Variants in ITCH observed in about 807,000 individuals in gnomAD.
The protein encoded by ITCH is itchy E3 ubiquitin protein ligase, also known as E3 ubiquitin-protein ligase Itchy homolog.
In ITCH, 28 loss-of-function variants were observed where a neutral mutation model predicts 126.8. The observed-to-expected ratio is 0.22, with a 90% CI of 0.16 to 0.30. The LOEUF (loss-of-function observed/expected upper bound fraction) is 0.30, where lower values mean the gene tolerates loss of function less well. Ranked by LOEUF, ITCH falls within the 10% of genes least tolerant of loss-of-function variation. The probability of loss-of-function intolerance (pLI) is 1.00; values close to 1 mark genes in which losing one functional copy is unlikely to be tolerated. For synonymous variants in ITCH, 342 were observed against 340.0 expected (o/e 1.01, Z -0.06); for missense variants, 631 against 1,032.4 (o/e 0.61, Z 5.33).
At chr20:34,446,659 T>C (rs971394555) in intron 11 of ITCH, among the ~76,000 whole-genome samples, 3 of 152,340 alleles carry the variant, frequency 2.0e-5, no homozygotes, top group East Asian at 3.9e-4. Flanking sequence ...GTTTTACATC[T>C]TCCTTCCTTT....
chr20:34,366,860 T>G (rs2037440579), intron 1 of ITCH, among the ~76,000 whole-genome samples: 3 of 152,088 alleles, frequency 2.0e-5, no homozygotes, highest in Admixed American at 2.0e-4. Flanking sequence ...AGCGAAAGGA[T>G]GAGGGACTAG....
Position 34,492,614 on chromosome 20 carries a change from A to G in ITCH, c.2416+17A>G, listed in dbSNP as rs1284179897. 2 of 1,505,658 alleles carry G rather than the reference A, an allele frequency of 1.3e-6. No homozygotes were observed. Among genetic ancestry groups the G allele is most frequent in the South Asian group, 1.1e-5 (1 of 88,906 alleles). 93.3% of individuals were successfully genotyped at this position (1,505,658 alleles called of 1,614,324 possible). A position where few individuals can be genotyped will look rare whatever the true frequency, so the allele number is the denominator to read the frequency against. The stretch of plus-strand genomic sequence containing the variant: ...ATCTCATGGGTATGTATACAGGATC[A>G]CTTTTCCTATACAGAAAATTGTTTA... On this transcript the variant is annotated intron_variant, in intron 23 of 24. Transcript: ENST00000374864.
intron 7 of ITCH, among the ~76,000 whole-genome samples, chr20:34,425,940 C>T (rs1428506851): frequency 2.6e-5 from 4 of 152,226 alleles, no homozygotes; most frequent in Non-Finnish European, 4.4e-5. Context: ...CTCAGTCTCT[C>T]GTCTCCACCT....
intron 15 of ITCH, 106 bp downstream of exon 15, chr20:34,470,226 G>A: frequency 3.4e-6 from 3 of 874,658 alleles, no homozygotes; most frequent in Non-Finnish European, 5.9e-6. Flanking sequence ...AGGTAAAATG[G>A]GAAGCATTAG....
chr20:34,402,567 T>C lies in ITCH; in HGVS notation c.71-6084T>C, dbSNP rs116463488. The C allele has an allele frequency of 3.1e-4, 224 of 718,266 alleles. No individual in the cohort carries two copies. The African/African-American group carries it at 3.6e-3, about 12-fold the overall frequency. The allele number at this position is 718,266 out of a possible 1,614,324, so 44.5% of individuals were successfully genotyped here. On this transcript the variant is annotated intron_variant, in intron 3 of 24. Transcript: ENST00000374864. ...CAGTATCAAAAAGTCCAAGAGTATA[T>C]GGTTCTCTACCAGTCATAATTGTTA...
At chr20:34,468,065 C>G (rs1170460845) in intron 14 of ITCH, among the ~76,000 whole-genome samples, 3 of 142,226 alleles carry the variant, frequency 2.1e-5, no homozygotes, top group Admixed American at 1.4e-4. Flanking sequence ...GACGGAGTCT[C>G]ACTTTGTCGC....
intron 2 of ITCH, among the ~76,000 whole-genome samples, chr20:34,372,121 A>G (rs898093972): frequency 6.6e-6 from 1 of 151,690 alleles, no homozygotes; most frequent in African/African-American, 2.4e-5. Context: ...CCTGACTAAC[A>G]TGGTGAAACC....
intron 16 of ITCH, chr20:34,476,332 TC>T: frequency 4.8e-6 from 6 of 1,241,938 alleles, no homozygotes; most frequent in Non-Finnish European, 6.9e-6. Context: ...CCGGCTCGCC[TC>T]CGCGCTCCGG....
intron 8 of ITCH, among the ~76,000 whole-genome samples, chr20:34,439,695 A>G (rs990197552): frequency 1.8e-4 from 28 of 152,332 alleles, no homozygotes; most frequent in African/African-American, 5.8e-4. Context: ...TTAAAGGTGT[A>G]ATGTATGACT....
intron 2 of ITCH, among the ~76,000 whole-genome samples, chr20:34,390,624 A>G (rs1338235815): frequency 1.3e-5 from 2 of 151,662 alleles, no homozygotes; most frequent in African/African-American, 4.8e-5. Context: ...TAATGTTTGT[A>G]TTTTTAGTAG....
At chr20:34,485,212 T>C (rs1309212444) in intron 20 of ITCH, among the ~76,000 whole-genome samples, 1 of 152,212 alleles carries the variant, frequency 6.6e-6, no homozygotes, top group African/African-American at 2.4e-5. Flanking sequence ...AATGTTTTGG[T>C]TGTTTCTCAG....
At chr20:34,363,428 G>A (rs958896827) in intron 1 of ITCH, 79 bp downstream of exon 1, 2 of 152,520 alleles carry the variant, frequency 1.3e-5, no homozygotes, top group East Asian at 3.9e-4. Flanking sequence ...GGAGAACAAG[G>A]GTAGAGGAGT....
At chr20:34,378,798 T>G (rs2037945862) in intron 2 of ITCH, among the ~76,000 whole-genome samples, 1 of 152,182 alleles carries the variant, frequency 6.6e-6, no homozygotes, top group Admixed American at 6.5e-5. Flanking sequence ...AGAGAGAGAT[T>G]AACTGCATTT....
intron 16 of ITCH, chr20:34,476,523 C>G: frequency 9.2e-7 from 1 of 1,089,518 alleles, no homozygotes; most frequent in Non-Finnish European, 1.1e-6. Context: ...TAGTTTTAAC[C>G]TTGTGACATT....
At chr20:34,422,642 T>C (rs887264022) in intron 6 of ITCH, among the ~76,000 whole-genome samples, 3 of 152,142 alleles carry the variant, frequency 2.0e-5, no homozygotes, top group Non-Finnish European at 2.9e-5. Context: ...CCATTTCAAG[T>C]GTACAGCTTA....
At chr20:34,402,407 G>A in intron 3 of ITCH, 2 of 777,338 alleles carry the variant, frequency 2.6e-6, no homozygotes, top group Non-Finnish European at 4.8e-6. Context: ...GGAGTCTTTG[G>A]ACAGTGGCAC....
At chr20:34,397,961 TAA>T (rs1433047894) in intron 3 of ITCH, among the ~76,000 whole-genome samples, 1 of 152,078 alleles carries the variant, frequency 6.6e-6, no homozygotes, top group African/African-American at 2.4e-5. Flanking sequence ...TTTCTTTGCA[TAA>T]AGTGTCTTAC....
intron 2 of ITCH, among the ~76,000 whole-genome samples, chr20:34,390,643 T>G (rs2038455301): frequency 6.6e-6 from 1 of 152,058 alleles, no homozygotes; most frequent in African/African-American, 2.4e-5. Context: ...AGAGACGAGG[T>G]TTCACTATGT....
intron 4 of ITCH, 68 bp downstream of exon 4, chr20:34,408,860 A>C (rs1978532337): frequency 1.3e-6 from 2 of 1,530,074 alleles, no homozygotes; most frequent in African/African-American, 1.4e-5. Flanking sequence ...AATTTAAAAA[A>C]ATGTTTCTCA....
Sources: allele counts gnomAD v4.1 joint callset (sites outside exome capture counted in the v4.1 genomes callset), GRCh38; gene constraint gnomAD v4.1.1; transcripts MANE v1.5; gene names NCBI Gene and HGNC (gene_info 2026-07-23, HGNC 2026-07-21).